The following GNG4 variants were observed in gnomAD, a reference collection of about 807,000 sequenced individuals.
GNG4 encodes the protein G protein subunit gamma 4.
Under a neutral mutation model 5.8 loss-of-function variants are expected in GNG4, and 4 were observed. That is an observed-to-expected ratio of 0.69 (90% CI 0.34 to 1.57). GNG4 has a LOEUF of 1.57. Among genes scored for constraint, GNG4 ranks in the 40% most tolerant of loss-of-function variants. The pLI is 0.06. For synonymous variants in GNG4, 29 were observed against 32.9 expected, an observed-to-expected ratio of 0.88 and a Z score of 0.41; for missense variants, 96 against 95.1, an observed-to-expected ratio of 1.01 and a Z score of -0.04.
At chr1:235,591,528 A>T (rs1368769604) in intron 2 of GNG4, among the ~76,000 whole-genome samples, 2 of 152,224 alleles carry the variant, frequency 1.3e-5, no homozygotes, top group Non-Finnish European at 2.9e-5. Context: ...CTCCACCTGA[A>T]TAACGCCCCT....
intron 3 of GNG4, among the ~76,000 whole-genome samples, chr1:235,581,688 A>G (rs112396802): frequency 1.4e-4 from 21 of 152,028 alleles, no homozygotes; most frequent in African/African-American, 4.8e-4. Flanking sequence ...TTGCTGGACC[A>G]CCTGTGGAAC....
chr1:235,565,004 T>C (rs558442615), intron 3 of GNG4, among the ~76,000 whole-genome samples: 2 of 152,336 alleles, frequency 1.3e-5, no homozygotes, highest in African/African-American at 4.8e-5. Flanking sequence ...ATTCTAAGTT[T>C]ACATTGATTG....
At chr1:235,573,386 A>C (rs1300527169) in intron 3 of GNG4, among the ~76,000 whole-genome samples, 1 of 151,828 alleles carries the variant, frequency 6.6e-6, no homozygotes, top group Non-Finnish European at 1.5e-5. Context: ...TGACGAGTTA[A>C]TGGGTGCAGC....
chr1:235,570,330 A>G (rs902715755), intron 3 of GNG4, among the ~76,000 whole-genome samples: 1 of 123,884 alleles, frequency 8.1e-6, no homozygotes, highest in Admixed American at 8.4e-5. Context: ...TGGTGCTCCC[A>G]CCTCCCTCCA....
rs114167322 is a variant in GNG4 at position 235,623,349 on chromosome 1, G to A, written c.-123+26313C>T. Among the ~76,000 whole-genome samples, 549 of 152,226 alleles carry A rather than the reference G, an allele frequency of 3.6e-3. 4 individuals are homozygous for A. Among genetic ancestry groups the A allele is most frequent in the African/African-American group, 0.012 (484 of 41,532 alleles). On this transcript the variant is annotated intron_variant, in intron 1 of 3. Coordinates refer to ENST00000391854, the MANE Select transcript of GNG4 (RefSeq NM_001098722.2). ...AACATTCGCTACCTGCACGGCCACC[G>A]CTGCAGCCCTGCTCTTGGGCCCACT...
chr1:235,638,911 G>A (rs1012225852), intron 1 of GNG4, among the ~76,000 whole-genome samples: 6 of 152,178 alleles, frequency 3.9e-5, no homozygotes, highest in Middle Eastern at 6.8e-3. Context: ...ATCATTGATG[G>A]GCATTTGGGT....
intron 1 of GNG4, among the ~76,000 whole-genome samples, chr1:235,603,197 C>T (rs1025196561): frequency 4.6e-5 from 7 of 151,774 alleles, no homozygotes; most frequent in African/African-American, 7.2e-5. Flanking sequence ...GAGCAGAGAT[C>T]GCGCCACTTG....
Position 235,561,397 on chromosome 1 carries a change from G to A in GNG4, c.100-9160C>T, listed in dbSNP as rs575143024. Reference sequence around the variant, plus strand: ...CTCTTGCTCTCTTGCACGCGCTCGCGCTCTCTCTCTCTATATATATACATT... The same window carrying A: ...CTCTTGCTCTCTTGCACGCGCTCGCACTCTCTCTCTCTATATATATACATT... On this transcript the variant is annotated intron_variant, in intron 3 of 3. Transcript: ENST00000391854. 1.1e-3 allele frequency among the ~76,000 whole-genome samples: 160 copies of A among 144,976 alleles called. 1 individual carries two copies. The highest frequency in any genetic ancestry group is 2.0e-3 in the Non-Finnish European group (135 of 67,882).
chr1:235,616,787 G>A (rs1025682924), intron 1 of GNG4, among the ~76,000 whole-genome samples: 4 of 151,980 alleles, frequency 2.6e-5, no homozygotes, highest in Admixed American at 1.3e-4. Context: ...CACCCAGGCC[G>A]GAGTGCAGTG....
chr1:235,600,442 A>ATG (rs1351849561), intron 1 of GNG4, among the ~76,000 whole-genome samples: 4 of 76,312 alleles, frequency 5.2e-5, no homozygotes, highest in Admixed American at 2.7e-4. Flanking sequence ...GTGTGTGTAT[A>ATG]TGTGTGTGTG....
chr1:235,560,338 C>T (rs1687025316), intron 3 of GNG4, among the ~76,000 whole-genome samples: 1 of 152,204 alleles, frequency 6.6e-6, no homozygotes, highest in Non-Finnish European at 1.5e-5. Flanking sequence ...ATGCTGTTAT[C>T]ATGGGAATGG....
At chr1:235,584,695 GCAA>G (rs1687720104) in intron 2 of GNG4, among the ~76,000 whole-genome samples, 1 of 54,626 alleles carries the variant, frequency 1.8e-5, no homozygotes, top group African/African-American at 6.4e-5. Context: ...CATCACAATT[GCAA>G]TTGCCCCGTC....
intron 1 of GNG4, among the ~76,000 whole-genome samples, chr1:235,631,426 C>G (rs1688929390): frequency 1.3e-5 from 2 of 152,214 alleles, no homozygotes; most frequent in Non-Finnish European, 1.5e-5. Context: ...CTGAGAACCT[C>G]TGGGAAGCAC....
intron 1 of GNG4, among the ~76,000 whole-genome samples, chr1:235,645,199 C>G (rs547033492): frequency 3.3e-5 from 5 of 152,146 alleles, no homozygotes; most frequent in Non-Finnish European, 7.3e-5. Context: ...TCATCAGTGT[C>G]TGGACCTGAG....
At chr1:235,628,102 C>T (rs1688853587) in intron 1 of GNG4, among the ~76,000 whole-genome samples, 1 of 152,096 alleles carries the variant, frequency 6.6e-6, no homozygotes, top group Admixed American at 6.5e-5. Context: ...ATGGCTTGAA[C>T]CCGGGAGGTG....
intron 1 of GNG4, among the ~76,000 whole-genome samples, chr1:235,601,368 C>T (rs1346402311): frequency 2.0e-5 from 3 of 152,164 alleles, no homozygotes; most frequent in Non-Finnish European, 2.9e-5. Flanking sequence ...GCGCCATGGA[C>T]TGCTGGAATC....
rs982712190 is a variant in GNG4, at chr1:235,563,490, G to T, written c.100-11253C>A. ...AATGTTAATCAATTTCAGAAATGAA[G>T]TTATATTGATTGATTCACATCTATG... is the stretch of plus-strand genomic sequence containing the variant. On this transcript the variant is annotated intron_variant, in intron 3 of 3. Transcript: ENST00000391854. Among the ~76,000 whole-genome samples, 15 of 147,730 alleles carry T rather than the reference G, an allele frequency of 1.0e-4. 1 individual carries two copies. Among genetic ancestry groups the T allele is most frequent in the African/African-American group, 3.5e-4 (14 of 40,166 alleles).
rs1239443140 is a variant in GNG4, at chr1:235,649,071, A to G, written c.-123+591T>C. The stretch of plus-strand genomic sequence containing the variant: ...CGGCGAACGAAGCACATTTCAGTTC[A>G]GCACCAGCCTCGGGGACAGACGCCA... On this transcript the variant is annotated intron_variant, in intron 1 of 3. Coordinates refer to ENST00000391854, the MANE Select transcript of GNG4 (RefSeq NM_001098722.2). This position sits in a 1 kb window ranked among gnomAD's most constrained non-coding sequence, Gnocchi z 5.7. Among the ~76,000 whole-genome samples the G allele has an allele frequency of 1.3e-5, 2 of 152,146 alleles. No individual in the cohort carries two copies. The highest frequency in any genetic ancestry group is 1.3e-4 in the Admixed American group (2 of 15,286).
chr1:235,578,009 A>G (rs1571889387), intron 3 of GNG4, among the ~76,000 whole-genome samples: 1 of 151,458 alleles, frequency 6.6e-6, no homozygotes, highest in East Asian at 1.9e-4. Context: ...TTCTTTCCAC[A>G]TTCGTATAGT....
Sources: gnomAD v4.1 joint callset for allele counts (sites outside exome capture counted in the v4.1 genomes callset) on GRCh38, gnomAD v4.1.1 for gene constraint, Gnocchi (gnomAD v3.1) non-coding constraint, MANE v1.5 for transcripts, NCBI Gene and HGNC (gene_info 2026-07-23, HGNC 2026-07-21) for gene names.